B3GALT1: variants seen among roughly 807,000 people sequenced by gnomAD.
The protein encoded by B3GALT1 is beta-1,3-galactosyltransferase 1.
A neutral mutation model predicts 23.2 loss-of-function variants in B3GALT1; 10 were observed. That is an observed-to-expected ratio of 0.43 (90% CI 0.27 to 0.73). The LOEUF (loss-of-function observed/expected upper bound fraction) is 0.73. Ranked by LOEUF, B3GALT1 falls within the 30% of genes least tolerant of loss-of-function variation. The probability of loss-of-function intolerance (pLI) is 0.21; values close to 1 mark genes in which losing one functional copy is unlikely to be tolerated. For synonymous variants in B3GALT1, 156 were observed against 141.5 expected (o/e 1.10, Z -0.73); for missense variants, 299 against 405.4 (o/e 0.74, Z 2.25).
intron 1 of B3GALT1, among the ~76,000 whole-genome samples, chr2:167,309,281 A>G (rs1192584091): frequency 2.0e-5 from 3 of 152,000 alleles, no homozygotes; most frequent in Non-Finnish European, 4.4e-5. Flanking sequence ...CTTTTCAGTT[A>G]CTTTTTATAC....
chr2:167,476,221 C>G (rs1403124042), intron 1 of B3GALT1, among the ~76,000 whole-genome samples: 1 of 152,148 alleles, frequency 6.6e-6, no homozygotes, highest in Non-Finnish European at 1.5e-5. Flanking sequence ...TGTCAACATT[C>G]ATTAATTGGT....
At chr2:167,833,307 G>T (rs998288245) in intron 4 of B3GALT1, among the ~76,000 whole-genome samples, 1 of 152,098 alleles carries the variant, frequency 6.6e-6, no homozygotes, top group Non-Finnish European at 1.5e-5. Flanking sequence ...CCCACAGCTC[G>T]GAGGCTTAGC....
chr2:167,645,877 A>G lies in B3GALT1; in HGVS notation c.-409-1032A>G, dbSNP rs1233752035. Among the ~76,000 whole-genome samples the G allele has an allele frequency of 2.6e-5, 4 of 151,856 alleles. 1 individual carries two copies. The highest frequency in any genetic ancestry group is 3.9e-4 in the East Asian group (2 of 5,152). On this transcript the variant is annotated intron_variant, in intron 2 of 4. Coordinates refer to ENST00000392690, the MANE Select transcript of B3GALT1 (RefSeq NM_020981.4). ...TAAGCCACCACACCCGGCCCAATAA[A>G]AATGTGTACTTGGGGTGGGAGTGGG...
intron 3 of B3GALT1, among the ~76,000 whole-genome samples, chr2:167,707,219 C>G (rs1200497575): frequency 2.0e-5 from 3 of 152,318 alleles, no homozygotes; most frequent in African/African-American, 7.2e-5. Flanking sequence ...AGCACTGAGA[C>G]AAACACCCCT....
intron 3 of B3GALT1, among the ~76,000 whole-genome samples, chr2:167,760,800 G>A (rs769307653): frequency 5.3e-5 from 8 of 152,262 alleles, no homozygotes; most frequent in Non-Finnish European, 7.4e-5. Flanking sequence ...TTATATGTGC[G>A]TTAAAATGCT....
chr2:167,423,085 G>A (rs1346026995), intron 1 of B3GALT1, among the ~76,000 whole-genome samples: 6 of 152,080 alleles, frequency 3.9e-5, no homozygotes, highest in Admixed American at 2.0e-4. Flanking sequence ...AATCCACAGA[G>A]CACCAATATT....
intron 3 of B3GALT1, among the ~76,000 whole-genome samples, chr2:167,661,099 A>G (rs924580954): frequency 2.0e-5 from 3 of 152,162 alleles, no homozygotes; most frequent in Non-Finnish European, 2.9e-5. Context: ...TAAATCCTTA[A>G]TACAGGATGG....
chr2:167,663,804 G>C (rs1686117771), intron 3 of B3GALT1, among the ~76,000 whole-genome samples: 1 of 152,076 alleles, frequency 6.6e-6, no homozygotes, highest in African/African-American at 2.4e-5. Context: ...TTTTTGATGG[G>C]GTTCTTTGTT....
rs1173378891 is a variant in B3GALT1, at chr2:167,870,832, T to C, written c.*812T>C. The C allele has an allele frequency of 6.0e-6, 1 of 167,060 alleles. No homozygotes were observed. The highest frequency in any genetic ancestry group is 2.4e-5 in the African/African-American group (1 of 41,442). 10.3% of individuals were successfully genotyped at this position (167,060 alleles called of 1,614,324 possible). On this transcript the variant is annotated 3_prime_UTR_variant, in exon 5 of 5. Coordinates refer to ENST00000392690, the MANE Select transcript of B3GALT1 (RefSeq NM_020981.4). The stretch of plus-strand genomic sequence containing the variant: ...TTCCAGACAGTGTCGCTAAGTGCAT[T>C]TCACAGTTTTTGGATCTGGCAGGCA...
intron 1 of B3GALT1, among the ~76,000 whole-genome samples, chr2:167,478,229 A>T (rs1247821267): frequency 1.3e-5 from 2 of 152,224 alleles, no homozygotes; most frequent in Non-Finnish European, 2.9e-5. Context: ...TTCAACCTTC[A>T]TTCACTGATC....
At position 167,489,088 on chromosome 2, in the gene B3GALT1, A is replaced by G. The variant is rs541014320; in HGVS notation, c.-510-1089A>G. Among the ~76,000 whole-genome samples the G allele has an allele frequency of 4.6e-5, 7 of 152,316 alleles. No individual in the cohort carries two copies. In the South Asian group the frequency reaches 1.5e-3, roughly 32 times the overall value. On this transcript the variant is annotated intron_variant, in intron 1 of 4. Transcript: ENST00000392690. The stretch of plus-strand genomic sequence containing the variant: ...AATATACAGAATGATTGTTAGAAGT[A>G]GAGTTCAGAGGTGCCATCAAACTAA...
intron 3 of B3GALT1, among the ~76,000 whole-genome samples, 73 bp downstream of exon 3, chr2:167,647,039 C>T (rs542145616): frequency 1.3e-5 from 2 of 152,240 alleles, no homozygotes; most frequent in East Asian, 3.9e-4. Context: ...GGTCTCATCT[C>T]ACCTTCCATA....
At chr2:167,438,517 C>T (rs142436340) in intron 1 of B3GALT1, among the ~76,000 whole-genome samples, 174 of 152,272 alleles carry the variant, frequency 1.1e-3, no homozygotes, top group African/African-American at 3.9e-3. Context: ...AGAGTGCAAC[C>T]TGGATATTTG....
intron 3 of B3GALT1, among the ~76,000 whole-genome samples, chr2:167,653,787 A>G (rs1469254028): frequency 2.0e-5 from 3 of 152,058 alleles, no homozygotes; most frequent in Admixed American, 6.5e-5. Flanking sequence ...GTGCAAATAT[A>G]TGTGCCACCA....
chr2:167,569,926 A>G (rs1413009184), intron 2 of B3GALT1, among the ~76,000 whole-genome samples: 1 of 151,900 alleles, frequency 6.6e-6, no homozygotes, highest in Admixed American at 6.6e-5. Flanking sequence ...TATTAATATG[A>G]TCATGTGATT....
At position 167,734,983 on chromosome 2, in the gene B3GALT1, A is replaced by G. The variant is rs575314641; in HGVS notation, c.-351-83689A>G. On this transcript the variant is annotated intron_variant, in intron 3 of 4. Transcript: ENST00000392690. ...TTTTATTTCTCTTCCCTTTCTGCTTATGCTGCCATCATTTTCTCACTCTCT... is the reference window on the plus strand; with the variant it reads ...TTTTATTTCTCTTCCCTTTCTGCTTGTGCTGCCATCATTTTCTCACTCTCT... Among the ~76,000 whole-genome samples the G allele has an allele frequency of 5.1e-4, 78 of 152,108 alleles. 2 individuals carry two copies. The highest frequency in any genetic ancestry group is 1.7e-3 in the African/African-American group (71 of 41,474).
intron 3 of B3GALT1, among the ~76,000 whole-genome samples, chr2:167,696,154 A>G (rs1383454996): frequency 6.6e-6 from 1 of 152,144 alleles, no homozygotes; most frequent in Non-Finnish European, 1.5e-5. Context: ...ACATATACTT[A>G]TTATATATAG....
intron 2 of B3GALT1, among the ~76,000 whole-genome samples, chr2:167,572,145 A>G (rs1684304622): frequency 6.6e-6 from 1 of 151,826 alleles, no homozygotes; most frequent in South Asian, 2.1e-4. Flanking sequence ...GGGAAGAACA[A>G]TAATTAAAAT....
intron 2 of B3GALT1, among the ~76,000 whole-genome samples, chr2:167,627,296 T>C (rs1685364961): frequency 6.6e-6 from 1 of 151,802 alleles, no homozygotes; most frequent in South Asian, 2.1e-4. Flanking sequence ...TGAAAAGTTT[T>C]CTTATGCTCC....
Sources: gnomAD v4.1 joint callset for allele counts (sites outside exome capture counted in the v4.1 genomes callset) on GRCh38, gnomAD v4.1.1 for gene constraint, MANE v1.5 for transcripts, NCBI Gene and HGNC (gene_info 2026-07-23, HGNC 2026-07-21) for gene names.